Variants in MAP4K3 observed in about 807,000 individuals in gnomAD.
MAP4K3 encodes the protein MAPK/ERK kinase kinase kinase 3.
In MAP4K3, 94 loss-of-function variants were observed where a neutral mutation model predicts 143.5. The observed-to-expected ratio is 0.65, with a 90% CI of 0.55 to 0.78. MAP4K3 has a LOEUF of 0.78. Ranked by LOEUF, MAP4K3 falls within the 30% of genes least tolerant of loss-of-function variation. The pLI, the probability that MAP4K3 is intolerant of heterozygous loss-of-function variation, is 0.00. For missense variants in MAP4K3, 1,077 were observed against 1,068.1 expected (o/e 1.01, Z -0.12); for synonymous variants, 416 against 347.2 (o/e 1.20, Z -2.20).
intron 3 of MAP4K3, among the ~76,000 whole-genome samples, chr2:39,345,658 G>A (rs996399674): frequency 2.6e-5 from 4 of 152,042 alleles, no homozygotes; most frequent in East Asian, 3.9e-4. Context: ...AGTGGCTCAC[G>A]CCTGTAATTC....
In MAP4K3 at chr2:39,250,516, G is replaced by A; in HGVS notation, c.*102C>T. On this transcript the variant is annotated 3_prime_UTR_variant, in exon 34 of 34. Coordinates refer to ENST00000263881, the MANE Select transcript of MAP4K3 (RefSeq NM_003618.4). ...TGCCACAATAAATTACAAAGTAACT[G>A]AAGACAGGTTACTGCAGCTTTTGTA... 1 of 1,090,162 alleles carries A rather than the reference G, an allele frequency of 9.2e-7. No individual in the cohort carries two copies. Among genetic ancestry groups the A allele is most frequent in the Non-Finnish European group, 1.3e-6 (1 of 757,590 alleles). 67.5% of individuals were successfully genotyped at this position (1,090,162 alleles called of 1,614,324 possible).
chr2:39,382,203 A>G (rs1666371860), intron 1 of MAP4K3, among the ~76,000 whole-genome samples: 1 of 152,172 alleles, frequency 6.6e-6, no homozygotes, highest in Non-Finnish European at 1.5e-5. Flanking sequence ...GCATTCCTTG[A>G]GAGTGAACTG....
At chr2:39,381,741 T>C (rs1666360659) in intron 1 of MAP4K3, among the ~76,000 whole-genome samples, 1 of 152,204 alleles carries the variant, frequency 6.6e-6, no homozygotes, top group African/African-American at 2.4e-5. Context: ...CCCCCATCTA[T>C]ATTTCTAGTC....
chr2:39,398,279 C>T (rs925599332), intron 1 of MAP4K3, among the ~76,000 whole-genome samples: 4 of 151,110 alleles, frequency 2.6e-5, no homozygotes, highest in Non-Finnish European at 5.9e-5. Flanking sequence ...TACCAACAAA[C>T]GAATACTATA....
Position 39,286,961 on chromosome 2 carries a change from T to C in MAP4K3, c.1478A>G (p.Asn493Ser). 6.4e-7 allele frequency: 1 copy of C among 1,572,692 alleles called. No individual in the cohort carries two copies. The highest frequency in any genetic ancestry group is 8.7e-7 in the Non-Finnish European group (1 of 1,148,250). The change falls in exon 21 of 34, where the codon AAT (asparagine) becomes AGT (serine). Residue 493 changes from asparagine to serine, a missense_variant. Coordinates refer to ENST00000263881, the MANE Select transcript of MAP4K3 (RefSeq NM_003618.4). Reference protein sequence around the residue: ...LPPHKPVALGNGMSSFQLNGE... With the variant: ...LPPHKPVALGSGMSSFQLNGE... ...ATTTAACTGGAAGGAGCTCATTCCA[T>C]TTCCTTCAATAAGATATATTCATTG...
intron 1 of MAP4K3, among the ~76,000 whole-genome samples, chr2:39,420,281 T>G (rs977413125): frequency 6.6e-6 from 1 of 152,236 alleles, no homozygotes; most frequent in African/African-American, 2.4e-5. Flanking sequence ...TTATAATACT[T>G]AAAACTAAAG....
chr2:39,261,213 C>CT (rs1480047949), intron 28 of MAP4K3: 1 of 153,232 alleles, frequency 6.5e-6, no homozygotes, highest in African/African-American at 2.4e-5. Flanking sequence ...GCAAGAGACA[C>CT]TCCTCTTGTA....
chr2:39,275,213 C>G (rs1202617777), intron 24 of MAP4K3, among the ~76,000 whole-genome samples: 1 of 152,168 alleles, frequency 6.6e-6, no homozygotes, highest in Non-Finnish European at 1.5e-5. Context: ...CTGGCCAGGC[C>G]TGGTGACTCA....
intron 2 of MAP4K3, among the ~76,000 whole-genome samples, chr2:39,367,572 GAAA>G (rs1441079747): frequency 6.6e-6 from 1 of 151,538 alleles, no homozygotes; most frequent in Non-Finnish European, 1.5e-5. Context: ...AAAGGAAAAA[GAAA>G]AGAAAGAAAC....
At position 39,264,081 on chromosome 2, in the gene MAP4K3, T is replaced by C. The variant is rs940871943; in HGVS notation, c.2136+1122A>G. Among the ~76,000 whole-genome samples, 11 of 152,202 alleles carry C rather than the reference T, an allele frequency of 7.2e-5. No individual in the cohort carries two copies. In the South Asian group the frequency reaches 1.2e-3, roughly 17 times the overall value. The stretch of plus-strand genomic sequence containing the variant: ...TAGGAGGGACATATTTAAAATAGCC[T>C]GAAGAAAGAAAGGAAAAAGATAGGA... On this transcript the variant is annotated intron_variant, in intron 28 of 33. Transcript: ENST00000263881.
chr2:39,358,687 A>G (rs1378619394), intron 2 of MAP4K3, among the ~76,000 whole-genome samples: 1 of 152,246 alleles, frequency 6.6e-6, no homozygotes, highest in East Asian at 1.9e-4. Flanking sequence ...AGGTAAATAA[A>G]AAATGTAGAT....
In MAP4K3 at chr2:39,288,300, G is replaced by C. The variant is rs142530505; in HGVS notation, c.1315-20C>G. The stretch of plus-strand genomic sequence containing the variant: ...CTTAGGCTGAAATAATATAGAAAAA[G>C]AGACCAACAATGAAACATCAAATTA... On this transcript the variant is annotated intron_variant, in intron 19 of 33. Transcript: ENST00000263881. The C allele has an allele frequency of 6.2e-7, 1 of 1,605,902 alleles. No individual in the cohort carries two copies. Among genetic ancestry groups the C allele is most frequent in the Admixed American group, 1.7e-5 (1 of 59,648 alleles).
intron 22 of MAP4K3, among the ~76,000 whole-genome samples, 174 bp from the exon 23 acceptor site, chr2:39,280,530 C>T (rs1426234507): frequency 6.6e-6 from 1 of 151,690 alleles, no homozygotes; most frequent in Non-Finnish European, 1.5e-5. Context: ...ATTTGCCTAA[C>T]AGTGGTACCA....
intron 9 of MAP4K3, 59 bp downstream of exon 9, chr2:39,326,087 C>A: frequency 6.3e-7 from 1 of 1,577,070 alleles, no homozygotes; most frequent in Admixed American, 1.8e-5. Context: ...TTGTTCATGA[C>A]AGCATACTAA....
intron 32 of MAP4K3, among the ~76,000 whole-genome samples, chr2:39,253,089 T>A (rs1334618950): frequency 3.3e-5 from 5 of 152,222 alleles, no homozygotes; most frequent in Non-Finnish European, 7.3e-5. Context: ...TTTTAGAAAG[T>A]GTGAGCCCAC....
intron 29 of MAP4K3, among the ~76,000 whole-genome samples, chr2:39,259,394 C>G (rs1279195254): frequency 1.3e-5 from 2 of 152,144 alleles, no homozygotes; most frequent in Non-Finnish European, 2.9e-5. Flanking sequence ...GTAATTGCTG[C>G]TACATACTAC....
chr2:39,353,720 TAAG>T (rs1049938255), intron 3 of MAP4K3, among the ~76,000 whole-genome samples: 13 of 152,094 alleles, frequency 8.5e-5, no homozygotes, highest in Admixed American at 2.0e-4. Flanking sequence ...TTTAAAAAGT[TAAG>T]AAGTAGTAGT....
At chr2:39,313,057 T>A (rs1293157395) in intron 13 of MAP4K3, among the ~76,000 whole-genome samples, 2 of 152,338 alleles carry the variant, frequency 1.3e-5, no homozygotes, top group South Asian at 2.1e-4. Context: ...AAAGTCCCTA[T>A]GGAGATTCAA....
In MAP4K3 at chr2:39,337,628, T is replaced by G. The variant is rs374404609; in HGVS notation, c.311-47A>C. The G allele has an allele frequency of 8.3e-5, 104 of 1,257,400 alleles. No individual in the cohort carries two copies. In the African/African-American group the frequency reaches 1.4e-3, roughly 17 times the overall value. The allele number at this position is 1,257,400 out of a possible 1,614,324, so 77.9% of individuals were successfully genotyped here. On this transcript the variant is annotated intron_variant, in intron 4 of 33. Transcript: ENST00000263881. The stretch of plus-strand genomic sequence containing the variant: ...ACTCATAAAATTAGTCAACGCATGT[T>G]TTTCAATATATAATAAAGTTTTACA...
Sources: gnomAD v4.1 joint callset for allele counts (sites outside exome capture counted in the v4.1 genomes callset) on GRCh38, gnomAD v4.1.1 for gene constraint, MANE v1.5 for transcripts, NCBI Gene and HGNC (gene_info 2026-07-23, HGNC 2026-07-21) for gene names.